AEBP2: variants seen among roughly 807,000 people sequenced by gnomAD.
AEBP2 encodes AE binding protein 2.
A neutral mutation model predicts 50.8 loss-of-function variants in AEBP2; 10 were observed. The observed-to-expected ratio is 0.20, with a 90% CI of 0.12 to 0.33. The LOEUF is 0.33. Among genes scored for constraint, AEBP2 ranks in the 10% least tolerant of loss-of-function variants. The pLI, the probability that AEBP2 is intolerant of heterozygous loss-of-function variation, is 1.00. For synonymous variants in AEBP2, 296 were observed against 261.3 expected, an observed-to-expected ratio of 1.13 and a Z score of -1.28; for missense variants, 570 against 688.0, an observed-to-expected ratio of 0.83 and a Z score of 1.92.
At chr12:19,448,309 C>T (rs963811124) in intron 1 of AEBP2, among the ~76,000 whole-genome samples, 10 of 151,986 alleles carry the variant, frequency 6.6e-5, no homozygotes, top group Non-Finnish European at 1.0e-4. Context: ...AAGATCAGGC[C>T]GGACATGGTG....
At chr12:19,509,678 C>T (rs1486051666) in intron 5 of AEBP2, among the ~76,000 whole-genome samples, 1 of 152,066 alleles carries the variant, frequency 6.6e-6, no homozygotes, top group African/African-American at 2.4e-5. Context: ...GGCTAGGAGA[C>T]AGAGGTTGCA....
At chr12:19,443,869 C>T (rs1948009809) in intron 1 of AEBP2, among the ~76,000 whole-genome samples, 1 of 151,852 alleles carries the variant, frequency 6.6e-6, no homozygotes, top group African/African-American at 2.4e-5. Context: ...ATTTTTTTCC[C>T]CCCAGAAGAA....
intron 1 of AEBP2, 36 bp from the exon 2 acceptor site, chr12:19,462,474 T>G: frequency 4.6e-6 from 7 of 1,518,588 alleles, no homozygotes; most frequent in Non-Finnish European, 5.4e-6. Flanking sequence ...TTAGTGAATT[T>G]CTAGGAATAA....
Position 19,413,105 on chromosome 12 carries a change from T to G in AEBP2, c.-17+8889T>G. ...TGGAGCCAGCAGCAGCCGGGCCGAA[T>G]TCAGTTTTTCCGGAATTCATTTGTT... On this transcript the variant is annotated intron_variant, in intron 1 of 3. Coordinates refer to the AEBP2 transcript ENST00000538425. The G allele has an allele frequency of 1.1e-5, 7 of 658,716 alleles. No homozygotes were observed. The South Asian group carries it at 1.1e-4, about 10-fold the overall frequency. The allele number at this position is 658,716 out of a possible 1,614,324, so 40.8% of individuals were successfully genotyped here.
upstream of AEBP2, among the ~76,000 whole-genome samples, chr12:19,434,595 T>C (rs1043549100): frequency 6.6e-6 from 1 of 152,264 alleles, no homozygotes; most frequent in African/African-American, 2.4e-5. Context: ...GCACAGTTTA[T>C]GAATGGGTAC....
rs369410408 is a variant in AEBP2, at chr12:19,479,717, G to GTTTTTTTTT, written c.987+6385_987+6393dup. ...ATTATTTAATGTCACCTCTTTGTGG[G>GTTTTTTTTT]TTTTTTTTTTTTTTTTTTTTTTTTT... is the stretch of plus-strand genomic sequence containing the variant. On this transcript the variant is annotated intron_variant, in intron 3 of 7. Coordinates refer to ENST00000266508, the MANE Select transcript of AEBP2 (RefSeq NM_153207.5). Among the ~76,000 whole-genome samples, 18 of 22,342 alleles carry GTTTTTTTTT rather than the reference G, an allele frequency of 8.1e-4. 3 individuals are homozygous for GTTTTTTTTT. The highest frequency in any genetic ancestry group is 1.2e-3 in the Non-Finnish European group (13 of 11,044). 14.7% of individuals were successfully genotyped at this position (22,342 alleles called of 152,430 possible). A position where few individuals can be genotyped will look rare whatever the true frequency, so the allele number is the denominator to read the frequency against.
At chr12:19,461,768 C>T (rs1426323408) in intron 1 of AEBP2, among the ~76,000 whole-genome samples, 1 of 152,142 alleles carries the variant, frequency 6.6e-6, no homozygotes, top group Non-Finnish European at 1.5e-5. Context: ...GCCTCGGCCT[C>T]CCAAAGTGCT....
intron 1 of AEBP2, among the ~76,000 whole-genome samples, chr12:19,432,136 A>C (rs1247493404): frequency 6.6e-6 from 1 of 152,170 alleles, no homozygotes. Context: ...AGAGAATTAG[A>C]GAAGCCCTAC....
chr12:19,472,571 T>C (rs1948588469), intron 2 of AEBP2, among the ~76,000 whole-genome samples: 1 of 152,186 alleles, frequency 6.6e-6, no homozygotes, highest in Non-Finnish European at 1.5e-5. Context: ...CTATATTCAC[T>C]TAATATTTCG....
chr12:19,479,099 T>G (rs1948690875), intron 3 of AEBP2, among the ~76,000 whole-genome samples: 1 of 152,064 alleles, frequency 6.6e-6, no homozygotes, highest in Non-Finnish European at 1.5e-5. Context: ...GTCCTAGCTA[T>G]GCGGGAGGCT....
At chr12:19,501,797 G>GTTTGTTTTTTTT (rs60750234) in intron 5 of AEBP2, among the ~76,000 whole-genome samples, 18 of 70,876 alleles carry the variant, frequency 2.5e-4, no homozygotes, top group Non-Finnish European at 4.0e-4. Flanking sequence ...AAATGAGTTT[G>GTTTGTTTTTTTT]TTTTTTTTTT....
chr12:19,434,304 G>A (rs1044867598), intron 1 of AEBP2, among the ~76,000 whole-genome samples: 1 of 151,764 alleles, frequency 6.6e-6, no homozygotes, highest in African/African-American at 2.4e-5. Context: ...CTCCCGAGTA[G>A]CTGGGGTTAC....
chr12:19,421,979 T>C (rs2095746080), intron 1 of AEBP2, among the ~76,000 whole-genome samples: 1 of 151,870 alleles, frequency 6.6e-6, no homozygotes, highest in Admixed American at 6.6e-5. Flanking sequence ...CCACCTCTAT[T>C]AAAAACACAA....
intron 6 of AEBP2, among the ~76,000 whole-genome samples, 194 bp from the exon 7 acceptor site, chr12:19,514,477 A>G (rs1343510782): frequency 1.3e-5 from 2 of 152,218 alleles, no homozygotes; most frequent in South Asian, 4.1e-4. Flanking sequence ...TTAAAATTTA[A>G]CACTGCCATT....
At chr12:19,491,711 G>A (rs1948896548) in intron 3 of AEBP2, among the ~76,000 whole-genome samples, 1 of 150,542 alleles carries the variant, frequency 6.6e-6, no homozygotes. Context: ...TAAGAAGAAT[G>A]TGTGATTTTT....
At chr12:19,466,916 C>A in intron 2 of AEBP2, 1 of 657,000 alleles carries the variant, frequency 1.5e-6, no homozygotes, top group Non-Finnish European at 1.9e-6. Flanking sequence ...TAATCTTTGC[C>A]CTGGGGAGAA....
chr12:19,482,657 A>G (rs1044669480), intron 3 of AEBP2, among the ~76,000 whole-genome samples: 5 of 152,138 alleles, frequency 3.3e-5, no homozygotes, highest in Admixed American at 1.3e-4. Context: ...GGGTGGGGCT[A>G]TGTTTCCTGT....
chr12:19,433,155 G>A (rs2153365319), intron 1 of AEBP2, among the ~76,000 whole-genome samples: 2 of 152,282 alleles, frequency 1.3e-5, no homozygotes, highest in East Asian at 3.9e-4. Flanking sequence ...GGCGGCCAAG[G>A]CAGGCGGATC....
chr12:19,453,005 G>T (rs903252048), intron 1 of AEBP2, among the ~76,000 whole-genome samples: 1 of 114,456 alleles, frequency 8.7e-6, no homozygotes, highest in African/African-American at 3.2e-5. Context: ...TCGCTTTGTC[G>T]CCCAAGCTGG....
Sources: allele counts gnomAD v4.1 joint callset (sites outside exome capture counted in the v4.1 genomes callset), GRCh38; gene constraint gnomAD v4.1.1; transcripts MANE v1.5; gene names NCBI Gene and HGNC (gene_info 2026-07-23, HGNC 2026-07-21).